Variants in MALRD1 observed in about 807,000 individuals in gnomAD.
MALRD1 encodes MAM and LDL receptor class A domain containing 1.
A neutral mutation model predicts 242.1 loss-of-function variants in MALRD1; 247 were observed. The ratio of observed to expected loss-of-function variants is 1.02; its 90% CI spans 0.92 to 1.13. The LOEUF is 1.13. Ranked by LOEUF, MALRD1 falls within the 50% of genes most tolerant of loss-of-function variation. MALRD1 has a pLI of 0.00. For missense variants in MALRD1, 2,989 were observed against 2,533.1 expected (o/e 1.18, Z -3.86); for synonymous variants, 995 against 866.6 (o/e 1.15, Z -2.60).
intron 36 of MALRD1, among the ~76,000 whole-genome samples, chr10:19,649,895 T>A (rs1205506824): frequency 6.6e-6 from 1 of 152,170 alleles, no homozygotes; most frequent in Non-Finnish European, 1.5e-5. Flanking sequence ...CTTGAGTTGA[T>A]TTTTATATAT....
At chr10:19,538,690 T>G (rs1834793654) in intron 32 of MALRD1, among the ~76,000 whole-genome samples, 2 of 152,290 alleles carry the variant, frequency 1.3e-5, no homozygotes, top group African/African-American at 4.8e-5. Flanking sequence ...ACATATTTTA[T>G]TACTCCAAAC....
In MALRD1 at chr10:19,542,782, C is replaced by A. The variant is rs7087446; in HGVS notation, c.5478+11431C>A. On this transcript the variant is annotated intron_variant, in intron 32 of 39. Coordinates refer to ENST00000454679, the MANE Select transcript of MALRD1 (RefSeq NM_001142308.3). ...CTTATTGTTTTTGGCTTAATTTGTC[C>A]ATGTAGGAAAAAGGTATTTTAAAAG... Among the ~76,000 whole-genome samples the A allele has an allele frequency of 6.2e-3, 941 of 152,144 alleles. 8 individuals carry two copies. Among genetic ancestry groups the A allele is most frequent in the African/African-American group, 0.019 (794 of 41,532 alleles).
chr10:19,605,162 TA>T (rs398114141), intron 34 of MALRD1, among the ~76,000 whole-genome samples: 54 of 87,760 alleles, frequency 6.2e-4, no homozygotes, highest in Non-Finnish European at 8.8e-4. Context: ...TTTTTATTAT[TA>T]TTTTTTTTTT....
intron 22 of MALRD1, among the ~76,000 whole-genome samples, chr10:19,324,409 A>G (rs1843030476): frequency 6.6e-6 from 1 of 152,148 alleles, no homozygotes; most frequent in South Asian, 2.1e-4. Flanking sequence ...TATAACCACA[A>G]TCAAATAAAT....
At chr10:19,663,528 C>T (rs1841537224) in intron 36 of MALRD1, among the ~76,000 whole-genome samples, 1 of 151,892 alleles carries the variant, frequency 6.6e-6, no homozygotes, top group Non-Finnish European at 1.5e-5. Flanking sequence ...GCTTCTTTTC[C>T]TTTGGGTAGA....
intron 24 of MALRD1, among the ~76,000 whole-genome samples, chr10:19,342,527 T>G (rs1843932401): frequency 6.6e-6 from 1 of 152,102 alleles, no homozygotes; most frequent in Non-Finnish European, 1.5e-5. Flanking sequence ...TTAGAGAAAG[T>G]GCCAAGTACT....
intron 29 of MALRD1, among the ~76,000 whole-genome samples, chr10:19,454,277 G>A (rs889440752): frequency 6.6e-6 from 1 of 151,400 alleles, no homozygotes; most frequent in African/African-American, 2.4e-5. Context: ...CAAGACTTGT[G>A]TATTATTTAT....
At chr10:19,185,907 T>A (rs1455396433) in intron 14 of MALRD1, among the ~76,000 whole-genome samples, 1 of 152,082 alleles carries the variant, frequency 6.6e-6, no homozygotes, top group Non-Finnish European at 1.5e-5. Flanking sequence ...TGAGTAGGCC[T>A]TTTTGGCTAG....
chr10:19,562,671 C>G (rs889147349), intron 32 of MALRD1, among the ~76,000 whole-genome samples: 4 of 152,130 alleles, frequency 2.6e-5, no homozygotes, highest in African/African-American at 9.7e-5. Context: ...TATCCAAGCT[C>G]TGGGCCCATG....
At chr10:19,730,031 C>T (rs1835222955) in intron 38 of MALRD1, among the ~76,000 whole-genome samples, 1 of 152,092 alleles carries the variant, frequency 6.6e-6, no homozygotes, top group Non-Finnish European at 1.5e-5. Flanking sequence ...GCCACCACGC[C>T]CGGCCTATAA....
chr10:19,325,541 C>T (rs927317606), intron 22 of MALRD1, among the ~76,000 whole-genome samples: 8 of 151,800 alleles, frequency 5.3e-5, no homozygotes, highest in Non-Finnish European at 1.2e-4. Context: ...GCATAAAGTT[C>T]GTGAGTAATA....
At chr10:19,664,249 C>A (rs1448821348) in intron 36 of MALRD1, among the ~76,000 whole-genome samples, 1 of 151,986 alleles carries the variant, frequency 6.6e-6, no homozygotes, top group Non-Finnish European at 1.5e-5. Flanking sequence ...CTAGTTCCAT[C>A]TACTTGCTAA....
chr10:19,103,808 T>C (rs975131316), intron 4 of MALRD1, among the ~76,000 whole-genome samples, 171 bp from the exon 5 acceptor site: 1 of 152,160 alleles, frequency 6.6e-6, no homozygotes, highest in Non-Finnish European at 1.5e-5. Flanking sequence ...CATTTCTTTG[T>C]TTTTGAGAAT....
At chr10:19,668,709 T>G (rs2131752284) in intron 36 of MALRD1, among the ~76,000 whole-genome samples, 1 of 152,070 alleles carries the variant, frequency 6.6e-6, no homozygotes, top group African/African-American at 2.4e-5. Flanking sequence ...GAAATTATAA[T>G]ACAACACTCA....
intron 38 of MALRD1, among the ~76,000 whole-genome samples, chr10:19,718,618 G>A (rs1834532660): frequency 6.6e-6 from 1 of 152,124 alleles, no homozygotes; most frequent in Admixed American, 6.5e-5. Context: ...GAGATTTGAA[G>A]GGGACAGACA....
At chr10:19,101,931 A>G (rs951728251) in intron 4 of MALRD1, among the ~76,000 whole-genome samples, 1 of 138,628 alleles carries the variant, frequency 7.2e-6, no homozygotes, top group Non-Finnish European at 1.5e-5. Context: ...ATCTCCAAGT[A>G]GTTTGATTAA....
chr10:19,623,416 T>C (rs940646725), intron 36 of MALRD1, among the ~76,000 whole-genome samples: 1 of 152,112 alleles, frequency 6.6e-6, no homozygotes, highest in South Asian at 2.1e-4. Context: ...ACCAATAGGA[T>C]ATGTATAGAT....
chr10:19,730,833 A>AACAC (rs144880931), intron 39 of MALRD1, 52 bp downstream of exon 39: 4 of 1,364,300 alleles, frequency 2.9e-6, no homozygotes, highest in South Asian at 2.5e-5. Flanking sequence ...CACACATACA[A>AACAC]ACACACACAC....
intron 21 of MALRD1, among the ~76,000 whole-genome samples, chr10:19,293,280 A>C (rs1010920472): frequency 6.6e-5 from 10 of 152,178 alleles, no homozygotes; most frequent in African/African-American, 2.2e-4. Flanking sequence ...TTATATATAC[A>C]TATATTTTTT....
Sources: allele counts gnomAD v4.1 joint callset (sites outside exome capture counted in the v4.1 genomes callset), GRCh38; gene constraint gnomAD v4.1.1; transcripts MANE v1.5; gene names NCBI Gene and HGNC (gene_info 2026-07-23, HGNC 2026-07-21).